MARCHF10: variants seen among roughly 807,000 people sequenced by gnomAD.
MARCHF10 encodes the protein probable E3 ubiquitin-protein ligase MARCHF10.
A neutral mutation model predicts 76.2 loss-of-function variants in MARCHF10; 64 were observed. The observed-to-expected ratio is 0.84, with a 90% confidence interval of 0.69 to 1.03. The LOEUF (loss-of-function observed/expected upper bound fraction) is 1.03. MARCHF10 is among the 50% of genes least tolerant of loss of function. The pLI, the probability that MARCHF10 is intolerant of heterozygous loss-of-function variation, is 0.00. For missense variants in MARCHF10, 875 were observed against 958.0 expected, an observed-to-expected ratio of 0.91 and a Z score of 1.14; for synonymous variants, 340 against 357.5, an observed-to-expected ratio of 0.95 and a Z score of 0.55.
intron 3 of MARCHF10, among the ~76,000 whole-genome samples, chr17:62,765,527 G>A (rs1007371584): frequency 8.5e-5 from 13 of 152,060 alleles, no homozygotes; most frequent in Non-Finnish European, 1.8e-4. Flanking sequence ...CTGTGGCCCT[G>A]GCTGGAGAGT....
intron 3 of MARCHF10, among the ~76,000 whole-genome samples, chr17:62,785,216 A>G (rs2092725516): frequency 6.6e-6 from 1 of 152,198 alleles, no homozygotes; most frequent in African/African-American, 2.4e-5. Context: ...CTCAGAAATA[A>G]CACCACACAT....
intron 10 of MARCHF10, among the ~76,000 whole-genome samples, chr17:62,702,676 A>G (rs1410686809): frequency 6.6e-6 from 1 of 152,140 alleles, no homozygotes; most frequent in Non-Finnish European, 1.5e-5. Flanking sequence ...AAAAAGAAAA[A>G]TAAAAAAAGA....
chr17:62,798,720 T>C (rs2093026184), intron 2 of MARCHF10, among the ~76,000 whole-genome samples: 1 of 152,154 alleles, frequency 6.6e-6, no homozygotes, highest in Admixed American at 6.6e-5. Context: ...GCGCTGCAGC[T>C]AGAGAAGGAC....
intron 3 of MARCHF10, among the ~76,000 whole-genome samples, chr17:62,781,991 TGCA>T (rs2092667313): frequency 1.3e-5 from 2 of 152,294 alleles, no homozygotes; most frequent in African/African-American, 4.8e-5. Flanking sequence ...TTTCAGGTGC[TGCA>T]ATCTCTAGGA....
At chr17:62,742,366 T>C (rs529038809) in intron 5 of MARCHF10, among the ~76,000 whole-genome samples, 10 of 152,334 alleles carry the variant, frequency 6.6e-5, no homozygotes, top group Non-Finnish European at 2.9e-5. Flanking sequence ...CTTATTGATT[T>C]GTGAGAGCTT....
chr17:62,704,836 T>C lies in MARCHF10; in HGVS notation c.2371+703A>G, dbSNP rs1347987748. On this transcript the variant is annotated intron_variant, in intron 10 of 10. Coordinates refer to ENST00000311269, the MANE Select transcript of MARCHF10 (RefSeq NM_152598.4). ...CCCAGAAGAATCTCTGGGGACCCAGTTGTCACACACCGCTGGATTCACTGC... is the reference window on the plus strand; with the variant it reads ...CCCAGAAGAATCTCTGGGGACCCAGCTGTCACACACCGCTGGATTCACTGC... 4 of 728,200 alleles carry C rather than the reference T, an allele frequency of 5.5e-6. No individual in the cohort carries two copies. The African/African-American group carries it at 7.7e-5, about 14-fold the overall frequency. 45.1% of individuals were successfully genotyped at this position (728,200 alleles called of 1,614,324 possible). A position where few individuals can be genotyped will look rare whatever the true frequency, so the allele number is the denominator to read the frequency against.
chr17:62,768,764 A>G (rs1383201973), intron 3 of MARCHF10, among the ~76,000 whole-genome samples: 1 of 152,210 alleles, frequency 6.6e-6, no homozygotes, highest in Non-Finnish European at 1.5e-5. Flanking sequence ...ATACTTCAGC[A>G]GGCATCTCCT....
intron 2 of MARCHF10, among the ~76,000 whole-genome samples, chr17:62,799,701 G>A (rs1020452593): frequency 6.6e-5 from 10 of 151,620 alleles, no homozygotes; most frequent in South Asian, 2.1e-4. Context: ...AGCCAAGATC[G>A]TGCCACTGCA....
In MARCHF10 at chr17:62,736,740, G is replaced by A; in HGVS notation, c.1128C>T (p.Asp376=). Residue 376 remains aspartate, a synonymous_variant, in exon 6 of 11, where the codon GAC becomes GAT. Transcript: ENST00000311269. ...CAGATTCCCTATCAGGCAGCCCGGG[G>A]TCTTGGGACAACCTTTGCCCAGCAG... ...RPSAGQRLSQ[D]PGLPDRESAT... is the part of the protein sequence containing the mutation. 6.2e-7 allele frequency: 1 copy of A among 1,613,816 alleles called. No individual in the cohort carries two copies. Among genetic ancestry groups the A allele is most frequent in the Non-Finnish European group, 8.5e-7 (1 of 1,179,730 alleles).
chr17:62,787,931 G>A (rs2092773078), intron 3 of MARCHF10, among the ~76,000 whole-genome samples: 1 of 151,922 alleles, frequency 6.6e-6, no homozygotes, highest in Non-Finnish European at 1.5e-5. Flanking sequence ...TTATCATATT[G>A]TTATTATCAC....
chr17:62,766,122 G>C lies in MARCHF10; in HGVS notation c.211-6116C>G, dbSNP rs151325167. On this transcript the variant is annotated intron_variant, in intron 3 of 10. Coordinates refer to ENST00000311269, the MANE Select transcript of MARCHF10 (RefSeq NM_152598.4). ...GAGGCAGAAGGATTGCCCACGCCTAGGAGGTTGAGGCTGCAGTGAGCTGTG... is the reference window on the plus strand; with the variant it reads ...GAGGCAGAAGGATTGCCCACGCCTACGAGGTTGAGGCTGCAGTGAGCTGTG... 8.7e-4 allele frequency among the ~76,000 whole-genome samples: 132 copies of C among 152,258 alleles called. 3 individuals are homozygous for C. The East Asian group carries it at 0.024, about 28-fold the overall frequency.
chr17:62,747,889 T>G (rs2091761851), intron 4 of MARCHF10, among the ~76,000 whole-genome samples: 1 of 152,230 alleles, frequency 6.6e-6, no homozygotes, highest in Non-Finnish European at 1.5e-5. Context: ...TTTGCTATGC[T>G]ATAATTTGAG....
intron 6 of MARCHF10, among the ~76,000 whole-genome samples, chr17:62,725,545 G>C (rs2090717007): frequency 6.6e-6 from 1 of 152,256 alleles, no homozygotes; most frequent in East Asian, 1.9e-4. Context: ...GATTACAGGT[G>C]TGAGCCCCTG....
chr17:62,730,048 G>A (rs566443179), intron 6 of MARCHF10, among the ~76,000 whole-genome samples: 2 of 152,350 alleles, frequency 1.3e-5, no homozygotes, highest in Non-Finnish European at 2.9e-5. Context: ...CGGGTGAGGT[G>A]GCGCCTGCCT....
intron 4 of MARCHF10, among the ~76,000 whole-genome samples, chr17:62,757,226 T>C (rs531736770): frequency 1.3e-5 from 2 of 152,184 alleles, no homozygotes; most frequent in Non-Finnish European, 2.9e-5. Context: ...GGAATTTCAC[T>C]GTGTTTGATG....
intron 1 of MARCHF10, 58 bp downstream of exon 1, chr17:62,808,019 G>A (rs2093187918): frequency 6.6e-6 from 1 of 152,210 alleles, no homozygotes. Flanking sequence ...CGAAAGGGAA[G>A]GTTGTCCCCC....
Position 62,744,399 on chromosome 17 carries a change from T to C in MARCHF10, c.512A>G (p.Lys171Arg). The C allele has an allele frequency of 6.2e-7, 1 of 1,614,076 alleles. No individual in the cohort carries two copies. Among genetic ancestry groups the C allele is most frequent in the Non-Finnish European group, 8.5e-7 (1 of 1,180,006 alleles). ...ACCTGCTCCCCTGGGAACCGGCACC[T>C]TTGCAGGCCACTGCTGTTTCTGTCT... is the stretch of plus-strand genomic sequence containing the variant. ...RSRQKQQWPA[K>R]VPVPRGADQV... Residue 171 changes from lysine (K) to arginine (R), a missense_variant, in exon 5 of 11, where the codon AAG (lysine) becomes AGG (arginine). Transcript: ENST00000311269.
chr17:62,788,487 G>A lies in MARCHF10; in HGVS notation c.203C>T (p.Ser68Phe). The A allele has an allele frequency of 6.2e-7, 1 of 1,614,050 alleles. No individual in the cohort carries two copies. Among genetic ancestry groups the A allele is most frequent in the Non-Finnish European group, 8.5e-7 (1 of 1,180,006 alleles). ...TCCCAGAATTCTTCATACCTGTTTG[G>A]AAGATGACCTGCTAGAAAACCGGGA... ...ERSRFSSRSS[S>F]KQSSSEEDAL... Residue 68 changes from serine to phenylalanine, a missense_variant, in exon 3 of 11, where the codon TCC becomes TTC. Ser to Phe is a radical substitution (Grantham distance 155, BLOSUM62 -2). Transcript: ENST00000311269.
intron 4 of MARCHF10, chr17:62,746,966 G>A (rs766430973): frequency 1.6e-5 from 24 of 1,535,836 alleles, no homozygotes; most frequent in African/African-American, 4.1e-5. Flanking sequence ...CCACCAAGTC[G>A]GCTCTGACTC....
Sources: gnomAD v4.1 joint callset for allele counts (sites outside exome capture counted in the v4.1 genomes callset) on GRCh38, gnomAD v4.1.1 for gene constraint, MANE v1.5 for transcripts, NCBI Gene and HGNC (gene_info 2026-07-23, HGNC 2026-07-21) for gene names.